The following PCDH7 variants were observed in gnomAD, a reference collection of about 807,000 sequenced individuals.
PCDH7 encodes protocadherin 7.
A neutral mutation model predicts 58.9 loss-of-function variants in PCDH7; 17 were observed. That is an observed-to-expected ratio of 0.29 (90% confidence interval 0.20 to 0.43). The LOEUF is 0.43. Ranked by LOEUF, PCDH7 falls within the 20% of genes least tolerant of loss-of-function variation. The probability of loss-of-function intolerance (pLI) is 1.00; values close to 1 mark genes in which losing one functional copy is unlikely to be tolerated. For missense variants in PCDH7, 1,274 were observed against 1,441.0 expected, an observed-to-expected ratio of 0.88 and a Z score of 1.88; for synonymous variants, 664 against 616.4, an observed-to-expected ratio of 1.08 and a Z score of -1.14.
intron 1 of PCDH7, among the ~76,000 whole-genome samples, chr4:30,746,460 C>A (rs185617691): frequency 3.9e-5 from 6 of 152,286 alleles, no homozygotes; most frequent in Admixed American, 3.3e-4. Flanking sequence ...TGCAATTCGC[C>A]TTAGTTACAG....
chr4:30,722,317 A>T lies in PCDH7; in HGVS notation c.895A>T (p.Thr299Ser). 2 of 1,609,522 alleles carry T rather than the reference A, an allele frequency of 1.2e-6. No individual in the cohort carries two copies. Among genetic ancestry groups the T allele is most frequent in the Middle Eastern group, 3.3e-4 (2 of 6,058 alleles). ...GCAGGCCATCCTACGGGTCCTCATC[A>T]CCGACGTGAACGACAACAGCCCCCG... The change falls in exon 1 of 2, where the codon ACC becomes TCC. Residue 299 changes from threonine to serine, a missense_variant. Thr to Ser is a moderately conservative substitution (Grantham distance 58, BLOSUM62 1). Transcript: ENST00000361762. The surrounding 1 kb of genome is among the most constrained non-coding windows in gnomAD (Gnocchi z 7.6).
chr4:31,063,836 A>G (rs751399210), intron 3 of PCDH7, among the ~76,000 whole-genome samples: 22 of 151,906 alleles, frequency 1.4e-4, no homozygotes, highest in Admixed American at 1.4e-3. Context: ...CAGCATCTCA[A>G]TGAGGGTCAG....
intron 1 of PCDH7, among the ~76,000 whole-genome samples, chr4:30,869,979 A>G (rs2109361243): frequency 6.6e-6 from 1 of 151,900 alleles, no homozygotes; most frequent in East Asian, 1.9e-4. Context: ...CGCCATTCTA[A>G]CTGGTGTGAG....
intron 3 of PCDH7, among the ~76,000 whole-genome samples, chr4:31,010,919 C>G (rs1753130805): frequency 6.6e-6 from 1 of 151,922 alleles, no homozygotes; most frequent in South Asian, 2.1e-4. Flanking sequence ...TTGTAAACAA[C>G]ACATTATAGG....
chr4:31,039,055 A>G (rs1269371949), intron 3 of PCDH7, among the ~76,000 whole-genome samples: 1 of 152,208 alleles, frequency 6.6e-6, no homozygotes, highest in Non-Finnish European at 1.5e-5. Context: ...GCTATTATTA[A>G]TAGTATTACT....
intron 2 of PCDH7, among the ~76,000 whole-genome samples, chr4:30,942,080 T>A (rs1432075220): frequency 6.6e-6 from 1 of 151,958 alleles, no homozygotes; most frequent in African/African-American, 2.4e-5. Flanking sequence ...TTGGAGACCA[T>A]GTTTTCTTGT....
intron 1 of PCDH7, among the ~76,000 whole-genome samples, chr4:30,754,679 C>A (rs958625555): frequency 6.6e-6 from 1 of 152,092 alleles, no homozygotes; most frequent in Non-Finnish European, 1.5e-5. Flanking sequence ...CACACAGATA[C>A]CCTTCTAAAG....
intron 3 of PCDH7, among the ~76,000 whole-genome samples, chr4:31,112,331 G>A (rs530849997): frequency 2.0e-4 from 31 of 152,220 alleles, no homozygotes; most frequent in Non-Finnish European, 3.8e-4. Flanking sequence ...CCAGAGCTGT[G>A]TCTTAAAATG....
intron 1 of PCDH7, among the ~76,000 whole-genome samples, chr4:30,745,055 A>G (rs1317597807): frequency 6.6e-6 from 1 of 152,190 alleles, no homozygotes; most frequent in Non-Finnish European, 1.5e-5. Context: ...AAATAGAGGG[A>G]CAGATGCTGT....
intron 3 of PCDH7, among the ~76,000 whole-genome samples, chr4:30,951,965 A>T (rs1053553517): frequency 4.6e-5 from 7 of 152,134 alleles, no homozygotes; most frequent in Non-Finnish European, 1.0e-4. Flanking sequence ...TGATTAAATG[A>T]ATGAATGTTC....
downstream of PCDH7, chr4:31,145,978 T>C (rs1050975797): frequency 2.0e-5 from 3 of 152,106 alleles, no homozygotes; most frequent in African/African-American, 7.2e-5. Context: ...TTAGGACACA[T>C]TTATAAATTA....
intron 1 of PCDH7, among the ~76,000 whole-genome samples, chr4:30,806,303 C>T (rs1232464258): frequency 6.6e-6 from 1 of 151,922 alleles, no homozygotes; most frequent in African/African-American, 2.4e-5. Context: ...TCAAACATGC[C>T]TAAAGATTTC....
rs138674335 is a variant in PCDH7 at position 31,013,592 on chromosome 4, T to TACACACACACACACAC, written c.*7+63389_*7+63404dup. 4.6e-4 allele frequency among the ~76,000 whole-genome samples: 68 copies of TACACACACACACACAC among 146,436 alleles called. 1 individual carries two copies. In the South Asian group the frequency reaches 0.015, roughly 31 times the overall value. ...AGAGTATGTCCATATATATATTTTA[T>TACACACACACACACAC]ACACACACACACACACACACACACA... On this transcript the variant is annotated intron_variant, in intron 3 of 3. Coordinates refer to the PCDH7 transcript ENST00000509759.
At chr4:31,125,959 A>G (rs1718245816) in intron 3 of PCDH7, among the ~76,000 whole-genome samples, 1 of 152,160 alleles carries the variant, frequency 6.6e-6, no homozygotes, top group Non-Finnish European at 1.5e-5. Context: ...GATTAAGGGC[A>G]CAGGTCTGGC....
rs1253384058 is a variant in PCDH7, at chr4:30,722,661, G to A, written c.1239G>A (p.Pro413=). 1 of 1,613,544 alleles carries A rather than the reference G, an allele frequency of 6.2e-7. No individual in the cohort carries two copies. The highest frequency in any genetic ancestry group is 1.1e-5 in the South Asian group (1 of 91,078). Residue 413 remains proline (P), a synonymous_variant, in exon 1 of 2, where the codon CCG becomes CCA. Coordinates refer to ENST00000361762, the Ensembl canonical transcript of PCDH7. This position sits in a 1 kb window ranked among gnomAD's most constrained non-coding sequence, Gnocchi z 7.6. Reference sequence around the variant, plus strand: ...TCAAAGACGAGAACGACAACGTGCCGTCCATTGAAATCCGCAAGATTGGGC... The same window carrying A: ...TCAAAGACGAGAACGACAACGTGCCATCCATTGAAATCCGCAAGATTGGGC...
At chr4:30,808,108 G>A (rs1213488576) in intron 1 of PCDH7, among the ~76,000 whole-genome samples, 4 of 152,124 alleles carry the variant, frequency 2.6e-5, no homozygotes, top group Non-Finnish European at 4.4e-5. Flanking sequence ...GTTGTCAGAT[G>A]GATAGAAGAG....
intron 2 of PCDH7, among the ~76,000 whole-genome samples, chr4:30,921,966 A>G (rs953671836): frequency 4.0e-5 from 6 of 151,750 alleles, no homozygotes; most frequent in African/African-American, 1.5e-4. Context: ...TTTCTGTTTT[A>G]TGAGTTTATG....
chr4:31,004,260 G>A (rs977687624), intron 3 of PCDH7, among the ~76,000 whole-genome samples: 1 of 152,114 alleles, frequency 6.6e-6, no homozygotes, highest in African/African-American at 2.4e-5. Context: ...GAGAGACAGA[G>A]AGAGAAATAC....
chr4:30,905,737 G>A (rs1740834167), intron 1 of PCDH7, among the ~76,000 whole-genome samples: 1 of 152,194 alleles, frequency 6.6e-6, no homozygotes, highest in Non-Finnish European at 1.5e-5. Flanking sequence ...TTCTGTGGGT[G>A]TAATCATAGA....
Sources: allele counts gnomAD v4.1 joint callset (sites outside exome capture counted in the v4.1 genomes callset), GRCh38; gene constraint gnomAD v4.1.1; non-coding constraint Gnocchi (gnomAD v3.1); transcripts MANE v1.5; gene names NCBI Gene and HGNC (gene_info 2026-07-23, HGNC 2026-07-21).